The following CACNB2 variants were observed in gnomAD, a reference collection of about 807,000 sequenced individuals.
CACNB2 encodes calcium voltage-gated channel auxiliary subunit beta 2.
A neutral mutation model predicts 73.3 loss-of-function variants in CACNB2; 42 were observed. The ratio of observed to expected loss-of-function variants is 0.57; its 90% CI spans 0.45 to 0.74. The LOEUF is 0.74. CACNB2 is among the 30% of genes least tolerant of loss of function. The pLI is 0.00. For missense variants in CACNB2, 940 were observed against 853.0 expected (o/e 1.10, Z -1.27); for synonymous variants, 348 against 310.3 (o/e 1.12, Z -1.28).
chr10:18,307,430 C>T (rs2039777495), intron 2 of CACNB2, among the ~76,000 whole-genome samples: 1 of 152,190 alleles, frequency 6.6e-6, no homozygotes, highest in African/African-American at 2.4e-5. Flanking sequence ...CCACTGCACT[C>T]CAACCTGGGC....
intron 2 of CACNB2, among the ~76,000 whole-genome samples, chr10:18,197,518 C>A (rs1214459127): frequency 6.6e-6 from 1 of 152,146 alleles, no homozygotes; most frequent in Non-Finnish European, 1.5e-5. Flanking sequence ...CCTCCTTCAG[C>A]CAACAGTGTG....
At chr10:18,322,769 A>G (rs1384229391) in intron 2 of CACNB2, among the ~76,000 whole-genome samples, 3 of 152,138 alleles carry the variant, frequency 2.0e-5, no homozygotes, top group African/African-American at 7.2e-5. Flanking sequence ...CAGCTGGCTA[A>G]GTCATTTACA....
chr10:18,452,737 T>C (rs1470543280), intron 3 of CACNB2, among the ~76,000 whole-genome samples: 1 of 152,186 alleles, frequency 6.6e-6, no homozygotes, highest in Non-Finnish European at 1.5e-5. Flanking sequence ...AGAAGTTCTC[T>C]ACCTAGGATG....
At chr10:18,155,086 G>A (rs746966673) in intron 2 of CACNB2, among the ~76,000 whole-genome samples, 13 of 152,194 alleles carry the variant, frequency 8.5e-5, no homozygotes, top group Non-Finnish European at 1.8e-4. Flanking sequence ...GCCAAAAAGT[G>A]CACAAATCAT....
chr10:18,466,834 C>G (rs981858449), intron 3 of CACNB2, among the ~76,000 whole-genome samples: 2 of 151,994 alleles, frequency 1.3e-5, no homozygotes, highest in Non-Finnish European at 2.9e-5. Flanking sequence ...TAATAATGTC[C>G]GAATAATGTG....
In CACNB2 at chr10:18,527,815, G is replaced by A. The variant is rs531085285; in HGVS notation, c.1054+118G>A. On this transcript the variant is annotated intron_variant, in intron 10 of 13. Coordinates refer to ENST00000324631, the MANE Select transcript of CACNB2 (RefSeq NM_201596.3). The stretch of plus-strand genomic sequence containing the variant: ...CAGAGTATAGAAAAAACAGGTGTGT[G>A]CTGCCAGTCGCTGTTGCTATGGTCT... The A allele has an allele frequency of 6.7e-5, 48 of 721,244 alleles. No individual in the cohort carries two copies. In the East Asian group the frequency reaches 1.1e-3, roughly 17 times the overall value. The allele number at this position is 721,244 out of a possible 1,614,324, so 44.7% of individuals were successfully genotyped here. A position where few individuals can be genotyped will look rare whatever the true frequency, so the allele number is the denominator to read the frequency against.
chr10:18,492,983 C>T (rs552705705), intron 3 of CACNB2, among the ~76,000 whole-genome samples: 1 of 152,068 alleles, frequency 6.6e-6, no homozygotes, highest in East Asian at 1.9e-4. Context: ...ATGAGTTCCA[C>T]GTTCACGGAT....
chr10:18,458,382 T>C (rs372122601), intron 3 of CACNB2, among the ~76,000 whole-genome samples: 22 of 152,334 alleles, frequency 1.4e-4, no homozygotes, highest in African/African-American at 4.6e-4. Flanking sequence ...AATTCCTACT[T>C]GCATTGATTC....
intron 2 of CACNB2, among the ~76,000 whole-genome samples, chr10:18,187,791 C>T (rs777392734): frequency 2.6e-5 from 4 of 152,178 alleles, no homozygotes; most frequent in Admixed American, 6.5e-5. Context: ...ATGACACGCT[C>T]AGAGTCAAAT....
intron 2 of CACNB2, among the ~76,000 whole-genome samples, chr10:18,184,860 TC>T (rs1477648698): frequency 1.3e-5 from 2 of 152,090 alleles, no homozygotes; most frequent in Non-Finnish European, 2.9e-5. Flanking sequence ...TAGCTGTTTT[TC>T]CTGATGCTCT....
In CACNB2 at chr10:18,288,049, C is replaced by T. The variant is rs76294100; in HGVS notation, c.214-113875C>T. Among the ~76,000 whole-genome samples the T allele has an allele frequency of 2.5e-3, 388 of 152,292 alleles. 3 individuals carry two copies. Among genetic ancestry groups the T allele is most frequent in the African/African-American group, 8.8e-3 (366 of 41,552 alleles). On this transcript the variant is annotated intron_variant, in intron 2 of 13. Coordinates refer to ENST00000324631, the MANE Select transcript of CACNB2 (RefSeq NM_201596.3). The stretch of plus-strand genomic sequence containing the variant: ...TACATCATCTTCCCTCTGTGCAGGT[C>T]TGTCTCTGTGTCCAACTTTCCTCTT...
At chr10:18,320,120 C>T (rs2040345088) in intron 2 of CACNB2, among the ~76,000 whole-genome samples, 1 of 152,168 alleles carries the variant, frequency 6.6e-6, no homozygotes, top group Admixed American at 6.5e-5. Flanking sequence ...AAGGACCTGT[C>T]AGCTCCTCCA....
chr10:18,293,004 C>T (rs190898324), intron 2 of CACNB2, among the ~76,000 whole-genome samples: 4 of 152,184 alleles, frequency 2.6e-5, no homozygotes, highest in African/African-American at 4.8e-5. Context: ...CAAGAGATAA[C>T]GTTTACTACC....
At chr10:18,428,200 G>A (rs1428869605) in intron 3 of CACNB2, among the ~76,000 whole-genome samples, 1 of 152,020 alleles carries the variant, frequency 6.6e-6, no homozygotes, top group African/African-American at 2.4e-5. Context: ...ATTTCAAATG[G>A]GAGAGAGCTC....
intron 2 of CACNB2, among the ~76,000 whole-genome samples, chr10:18,246,574 TTA>T (rs1038903654): frequency 1.3e-5 from 2 of 151,978 alleles, no homozygotes; most frequent in Non-Finnish European, 2.9e-5. Flanking sequence ...CACCCAGCTG[TTA>T]TTTATTTATT....
chr10:18,466,969 C>T (rs1253137141), intron 3 of CACNB2, among the ~76,000 whole-genome samples: 1 of 152,106 alleles, frequency 6.6e-6, no homozygotes, highest in Non-Finnish European at 1.5e-5. Flanking sequence ...GCCTGGCCAA[C>T]ATGGTGAAAT....
intron 2 of CACNB2, among the ~76,000 whole-genome samples, chr10:18,302,161 A>G (rs11013444): frequency 0.029 from 4,368 of 152,282 alleles, 204 homozygotes; most frequent in East Asian, 0.12. Context: ...AATCAAAATG[A>G]AATCACTCAT....
intron 2 of CACNB2, among the ~76,000 whole-genome samples, chr10:18,187,787 C>T (rs530960154): frequency 3.9e-5 from 6 of 152,254 alleles, no homozygotes; most frequent in African/African-American, 1.4e-4. Context: ...CGATATGACA[C>T]GCTCAGAGTC....
At chr10:18,453,437 T>G (rs939194009) in intron 3 of CACNB2, among the ~76,000 whole-genome samples, 3 of 152,204 alleles carry the variant, frequency 2.0e-5, no homozygotes, top group African/African-American at 7.2e-5. Context: ...CCTGCTCCCT[T>G]GAGCTCTTTC....
Sources: allele counts gnomAD v4.1 joint callset (sites outside exome capture counted in the v4.1 genomes callset), GRCh38; gene constraint gnomAD v4.1.1; transcripts MANE v1.5; gene names NCBI Gene and HGNC (gene_info 2026-07-23, HGNC 2026-07-21).